Variants in DGKH observed in about 807,000 individuals in gnomAD.
The protein encoded by DGKH is DAG kinase eta.
DGKH carries 90 observed loss-of-function variants against 159.3 expected under a neutral mutation model. That is an observed-to-expected ratio of 0.57 (90% CI 0.48 to 0.67). The LOEUF (loss-of-function observed/expected upper bound fraction) is 0.67, where lower values mean the gene tolerates loss of function less well. DGKH is among the 30% of genes least tolerant of loss of function. The pLI is 0.00. For synonymous variants in DGKH, 536 were observed against 553.8 expected, an observed-to-expected ratio of 0.97 and a Z score of 0.45; for missense variants, 1,181 against 1,506.1, an observed-to-expected ratio of 0.78 and a Z score of 3.57.
At chr13:42,211,883 C>G (rs1957666639) in intron 24 of DGKH, among the ~76,000 whole-genome samples, 1 of 152,112 alleles carries the variant, frequency 6.6e-6, no homozygotes, top group Non-Finnish European at 1.5e-5. Context: ...TAGTCACTAT[C>G]ACGAGAACAG....
intron 20 of DGKH, among the ~76,000 whole-genome samples, chr13:42,201,866 A>G (rs1957355083): frequency 6.6e-6 from 1 of 152,238 alleles, no homozygotes; most frequent in South Asian, 2.1e-4. Flanking sequence ...TGATGAACTT[A>G]TATACAAGAT....
intron 3 of DGKH, among the ~76,000 whole-genome samples, chr13:42,144,608 AC>A (rs1358878640): frequency 6.6e-6 from 1 of 150,538 alleles, no homozygotes; most frequent in African/African-American, 2.5e-5. Flanking sequence ...AATTGCTTGA[AC>A]CCTGGAGGCA....
intron 29 of DGKH, among the ~76,000 whole-genome samples, chr13:42,251,629 C>T (rs532814022): frequency 3.9e-5 from 6 of 152,226 alleles, no homozygotes; most frequent in African/African-American, 1.4e-4. Context: ...CAGATATGCA[C>T]ACCTGTGAAC....
intron 1 of DGKH, among the ~76,000 whole-genome samples, chr13:42,058,555 G>A (rs1881920161): frequency 6.6e-6 from 1 of 152,190 alleles, no homozygotes; most frequent in African/African-American, 2.4e-5. Context: ...ATAGTGTTGG[G>A]TTTGATTCTC....
intron 1 of DGKH, among the ~76,000 whole-genome samples, chr13:42,109,709 A>G (rs1231065618): frequency 6.6e-6 from 1 of 151,946 alleles, no homozygotes; most frequent in Non-Finnish European, 1.5e-5. Context: ...TGTTTTTTCT[A>G]GTAATTTGCA....
At position 42,214,526 on chromosome 13, in the gene DGKH, A is replaced by G. The variant is rs1259197546; in HGVS notation, c.3034A>G (p.Ile1012Val). 16 of 1,612,770 alleles carry G rather than the reference A, an allele frequency of 9.9e-6. No homozygotes were observed. The highest frequency in any genetic ancestry group is 1.3e-5 in the African/African-American group (1 of 74,874). Residue 1012 changes from isoleucine (I) to valine (V), a missense_variant, in exon 25 of 30, where the codon ATT becomes GTT. Transcript: ENST00000337343. ...TTTTAGGATATGTGACGCAGCCACA[A>G]TTCACTGTCTTTTGGAGCAAGAACT... ...LITRICDAAT[I>V]HCLLEQELAH... is the part of the protein sequence containing the mutation.
In DGKH at chr13:42,232,423, G is replaced by A. The variant is rs1042028837; in HGVS notation, c.*3235G>A. 6.6e-6 allele frequency: 1 copy of A among 152,182 alleles called. No homozygotes were observed. Among genetic ancestry groups the A allele is most frequent in the South Asian group, 2.1e-4 (1 of 4,822 alleles). The allele number at this position is 152,182 out of a possible 1,614,324, so 9.4% of individuals were successfully genotyped here. Reference sequence around the variant, plus strand: ...AATCAGACCTAAATAAAATTCCTGAGTATGCAATATTTCTCTTTAGTGTCT... The same window carrying A: ...AATCAGACCTAAATAAAATTCCTGAATATGCAATATTTCTCTTTAGTGTCT... On this transcript the variant is annotated 3_prime_UTR_variant, in exon 30 of 30. Transcript: ENST00000337343.
intron 16 of DGKH, among the ~76,000 whole-genome samples, chr13:42,190,995 C>T (rs566791273): frequency 2.8e-4 from 43 of 152,288 alleles, no homozygotes; most frequent in African/African-American, 9.9e-4. Context: ...CCTTATTAAG[C>T]TTCAAAATCA....
At chr13:42,160,557 C>T (rs1956153737) in intron 7 of DGKH, among the ~76,000 whole-genome samples, 1 of 152,196 alleles carries the variant, frequency 6.6e-6, no homozygotes, top group Non-Finnish European at 1.5e-5. Flanking sequence ...TGCAGCCGAA[C>T]ATGAAGCCAA....
intron 7 of DGKH, among the ~76,000 whole-genome samples, chr13:42,165,105 C>T (rs1253203440): frequency 6.6e-6 from 1 of 152,044 alleles, no homozygotes; most frequent in Non-Finnish European, 1.5e-5. Context: ...ATATATTCCT[C>T]TCTGAGATAA....
At chr13:42,138,259 A>G (rs1457044135) in intron 3 of DGKH, 2 of 255,774 alleles carry the variant, frequency 7.8e-6, no homozygotes, top group East Asian at 1.8e-4. Context: ...GCTGGGCACT[A>G]TGCTAGACAC....
intron 3 of DGKH, among the ~76,000 whole-genome samples, chr13:42,139,589 G>T (rs935858279): frequency 2.6e-5 from 4 of 152,158 alleles, no homozygotes; most frequent in Non-Finnish European, 5.9e-5. Flanking sequence ...CCTTCAACCT[G>T]CTGCCTCTAG....
At chr13:42,202,533 T>A (rs987844230) in intron 20 of DGKH, among the ~76,000 whole-genome samples, 1 of 152,244 alleles carries the variant, frequency 6.6e-6, no homozygotes, top group Non-Finnish European at 1.5e-5. Flanking sequence ...GGTTTCCCTA[T>A]ATACGAAATT....
At position 42,229,086 on chromosome 13, in the gene DGKH, T is replaced by G. The variant is rs766548483; in HGVS notation, c.3574-13T>G. The G allele has an allele frequency of 1.9e-6, 3 of 1,596,688 alleles. No individual in the cohort carries two copies. Among genetic ancestry groups the G allele is most frequent in the Non-Finnish European group, 2.6e-6 (3 of 1,171,892 alleles). ...TTTAATTATTTCTACCTTTTTCTGTTCTTTTATTTTAGGATCTGGGGATAC... is the reference window on the plus strand; with the variant it reads ...TTTAATTATTTCTACCTTTTTCTGTGCTTTTATTTTAGGATCTGGGGATAC... On this transcript the variant is annotated splice_polypyrimidine_tract_variant and intron_variant, in intron 29 of 29. Transcript: ENST00000337343.
intron 3 of DGKH, among the ~76,000 whole-genome samples, chr13:42,137,164 CTG>C (rs1217818096): frequency 1.4e-4 from 22 of 152,150 alleles, no homozygotes; most frequent in South Asian, 1.0e-3. Flanking sequence ...ACTTAAAAAG[CTG>C]TCAGTTTATT....
At chr13:42,068,027 A>G (rs1882708075) in intron 1 of DGKH, among the ~76,000 whole-genome samples, 2 of 152,296 alleles carry the variant, frequency 1.3e-5, no homozygotes, top group Middle Eastern at 3.4e-3. Context: ...ATTTTATAAT[A>G]AAGTAATTCC....
chr13:42,089,867 C>T (rs185421795), intron 1 of DGKH, among the ~76,000 whole-genome samples: 12 of 152,216 alleles, frequency 7.9e-5, no homozygotes, highest in Admixed American at 7.8e-4. Flanking sequence ...GGACATTACT[C>T]TGCCTACTAC....
downstream of DGKH, among the ~76,000 whole-genome samples, chr13:42,246,505 TAC>T (rs1958581095): frequency 6.6e-6 from 1 of 152,186 alleles, no homozygotes; most frequent in Admixed American, 6.5e-5. Flanking sequence ...GTACTATATC[TAC>T]ATTTAATCCT....
chr13:42,247,904 CAA>C (rs1348384850), intron 29 of DGKH, among the ~76,000 whole-genome samples: 3 of 151,912 alleles, frequency 2.0e-5, no homozygotes. Flanking sequence ...AGTGTTAGTA[CAA>C]AAGAGTCAAA....
Sources: allele counts gnomAD v4.1 joint callset (sites outside exome capture counted in the v4.1 genomes callset), GRCh38; gene constraint gnomAD v4.1.1; transcripts MANE v1.5; gene names NCBI Gene and HGNC (gene_info 2026-07-23, HGNC 2026-07-21).